The following RASGRF1 variants were observed in gnomAD, a reference collection of about 807,000 sequenced individuals.
The protein encoded by RASGRF1 is Ras protein specific guanine nucleotide releasing factor 1.
A neutral mutation model predicts 138.7 loss-of-function variants in RASGRF1; 40 were observed. That is an observed-to-expected ratio of 0.29 (90% CI 0.22 to 0.38). RASGRF1 has a LOEUF of 0.38. Among genes scored for constraint, RASGRF1 ranks in the 10% least tolerant of loss-of-function variants. The probability of loss-of-function intolerance (pLI) is 1.00; values close to 1 mark genes in which losing one functional copy is unlikely to be tolerated. For synonymous variants in RASGRF1, 614 were observed against 663.2 expected, an observed-to-expected ratio of 0.93 and a Z score of 1.14; for missense variants, 1,108 against 1,650.4, an observed-to-expected ratio of 0.67 and a Z score of 5.69.
intron 5 of RASGRF1, among the ~76,000 whole-genome samples, chr15:79,041,362 G>GAA (rs1467718538): frequency 2.6e-5 from 4 of 152,180 alleles, no homozygotes; most frequent in Non-Finnish European, 4.4e-5. Context: ...TGCACAGCTG[G>GAA]TGCAGCTGTA....
At position 78,967,585 on chromosome 15, in the gene RASGRF1, A is replaced by T. The variant is rs182143235; in HGVS notation, c.3681+4281T>A. Reference sequence around the variant, plus strand: ...ATAAATAAATAAATAAAAATAAGTTAAAAAATGTGACCCTGTAGGATACTT... The same window carrying T: ...ATAAATAAATAAATAAAAATAAGTTTAAAAATGTGACCCTGTAGGATACTT... On this transcript the variant is annotated intron_variant, in intron 26 of 26. Coordinates refer to ENST00000558480, the MANE Select transcript of RASGRF1 (RefSeq NM_001145648.3). Among the ~76,000 whole-genome samples, 948 of 152,216 alleles carry T rather than the reference A, an allele frequency of 6.2e-3. 4 individuals carry two copies. The highest frequency in any genetic ancestry group is 0.011 in the South Asian group (55 of 4,826).
intron 3 of RASGRF1, among the ~76,000 whole-genome samples, chr15:79,053,318 T>C (rs1391423377): frequency 6.6e-6 from 1 of 152,104 alleles, no homozygotes; most frequent in Admixed American, 6.5e-5. Flanking sequence ...AACCTTAGGG[T>C]AAAGATCTCT....
At chr15:78,991,285 A>G (rs1441702235) in intron 21 of RASGRF1, among the ~76,000 whole-genome samples, 1 of 152,234 alleles carries the variant, frequency 6.6e-6, no homozygotes, top group Non-Finnish European at 1.5e-5. Context: ...AGGTAACAGC[A>G]GGCCTTGGGG....
intron 5 of RASGRF1, among the ~76,000 whole-genome samples, chr15:79,035,671 G>A (rs734447): frequency 0.26 from 39,183 of 152,152 alleles, 5,873 homozygotes; most frequent in East Asian, 0.5. Context: ...TAGCACAGAG[G>A]GGGGCTGAAA....
intron 13 of RASGRF1, among the ~76,000 whole-genome samples, chr15:79,011,871 C>T (rs972153673): frequency 6.6e-6 from 1 of 152,068 alleles, no homozygotes; most frequent in African/African-American, 2.4e-5. Context: ...ACACTATTAG[C>T]CAGGTGTGGT....
chr15:79,003,008 G>A (rs1406189982), intron 15 of RASGRF1, among the ~76,000 whole-genome samples: 2 of 151,922 alleles, frequency 1.3e-5, no homozygotes, highest in African/African-American at 2.4e-5. Context: ...TGGCCTGTTC[G>A]GATCTAAATC....
chr15:79,037,446 C>CTAT (rs564297781), intron 5 of RASGRF1, among the ~76,000 whole-genome samples: 3,692 of 150,910 alleles, frequency 0.024, 82 homozygotes, highest in African/African-American at 0.046. Flanking sequence ...CACTTTATTT[C>CTAT]TATTATTATT....
intron 8 of RASGRF1, among the ~76,000 whole-genome samples, chr15:79,029,137 CACTAG>C (rs2057101455): frequency 6.6e-6 from 1 of 152,230 alleles, no homozygotes; most frequent in African/African-American, 2.4e-5. Context: ...GGCTTAAATT[CACTAG>C]ACTAGCCCTT....
intron 26 of RASGRF1, among the ~76,000 whole-genome samples, chr15:78,965,012 C>G (rs1288768975): frequency 1.3e-5 from 2 of 152,092 alleles, no homozygotes; most frequent in African/African-American, 2.4e-5. Flanking sequence ...GCCACCGCGC[C>G]CGGCCGTTTT....
chr15:79,054,366 G>A (rs1325824453), intron 3 of RASGRF1, among the ~76,000 whole-genome samples: 1 of 152,162 alleles, frequency 6.6e-6, no homozygotes, highest in Non-Finnish European at 1.5e-5. Context: ...TAATAGTGGA[G>A]TGCCCCTCCA....
chr15:79,041,470 G>A (rs1199953393), intron 5 of RASGRF1, among the ~76,000 whole-genome samples: 1 of 152,208 alleles, frequency 6.6e-6, no homozygotes. Flanking sequence ...ATGCAACAAA[G>A]AGAAGCATAG....
chr15:79,071,976 C>T (rs1005541796), intron 1 of RASGRF1, among the ~76,000 whole-genome samples: 4 of 152,136 alleles, frequency 2.6e-5, no homozygotes, highest in Non-Finnish European at 4.4e-5. Context: ...CTCTCCTGTC[C>T]CTATGATCTT....
chr15:79,025,905 A>G (rs2057041167), intron 9 of RASGRF1, among the ~76,000 whole-genome samples: 1 of 148,032 alleles, frequency 6.8e-6, no homozygotes, highest in African/African-American at 2.5e-5. Flanking sequence ...CCTACTTGTA[A>G]AAAAGATAGC....
intron 2 of RASGRF1, among the ~76,000 whole-genome samples, chr15:79,059,463 CGTGCAG>C (rs2057567478): frequency 1.3e-5 from 2 of 150,068 alleles, no homozygotes; most frequent in Non-Finnish European, 3.0e-5. Flanking sequence ...TATCCCCCCT[CGTGCAG>C]GTGCAATCTT....
chr15:79,058,677 A>G (rs1305152409), intron 2 of RASGRF1, among the ~76,000 whole-genome samples, 196 bp from the exon 3 acceptor site: 7 of 152,204 alleles, frequency 4.6e-5, no homozygotes, highest in African/African-American at 1.7e-4. Context: ...AGCTGGAGCA[A>G]GGCGGGGCGG....
At chr15:79,013,818 C>A (rs957586918) in intron 13 of RASGRF1, among the ~76,000 whole-genome samples, 1 of 152,120 alleles carries the variant, frequency 6.6e-6, no homozygotes, top group Non-Finnish European at 1.5e-5. Flanking sequence ...TGGAGAGCTG[C>A]GTTTAGTAGG....
intron 24 of RASGRF1, among the ~76,000 whole-genome samples, chr15:78,976,559 A>AACACACACACACACACACACAC (rs58602180): frequency 6.7e-6 from 1 of 148,662 alleles, no homozygotes; most frequent in East Asian, 2.0e-4. Context: ...CACTCAATCA[A>AACACACACACACACACACACAC]ACACACACAC....
rs565497293 is a variant in RASGRF1, at chr15:78,975,394, TA to T, written c.3495-1975del. On this transcript the variant is annotated intron_variant, in intron 24 of 26. Transcript: ENST00000558480. ...ATATATATTTACTGTGCTTTGTGATTAAAAAAAAAAAGAAAAGAGTAAGGAG... is the reference window on the plus strand; with the variant it reads ...ATATATATTTACTGTGCTTTGTGATTAAAAAAAAAAGAAAAGAGTAAGGAG... Among the ~76,000 whole-genome samples, 227 of 121,976 alleles carry T rather than the reference TA, an allele frequency of 1.9e-3. 2 individuals carry two copies. The South Asian group carries it at 0.021, about 11-fold the overall frequency. The allele number at this position is 121,976 out of a possible 152,430, so 80.0% of individuals were successfully genotyped here.
chr15:79,042,631 C>G (rs1266875479), intron 5 of RASGRF1, among the ~76,000 whole-genome samples: 1 of 152,230 alleles, frequency 6.6e-6, no homozygotes, highest in Non-Finnish European at 1.5e-5. Context: ...TGGGGCCTTA[C>G]CATGAAACAG....
Sources: gnomAD v4.1 joint callset for allele counts (sites outside exome capture counted in the v4.1 genomes callset) on GRCh38, gnomAD v4.1.1 for gene constraint, MANE v1.5 for transcripts, NCBI Gene and HGNC (gene_info 2026-07-23, HGNC 2026-07-21) for gene names.